PEX5L: variants seen among roughly 807,000 people sequenced by gnomAD.
PEX5L encodes the protein PEX5-related protein.
A neutral mutation model predicts 84.0 loss-of-function variants in PEX5L; 30 were observed. That is an observed-to-expected ratio of 0.36 (90% confidence interval 0.27 to 0.48). The LOEUF (loss-of-function observed/expected upper bound fraction) is 0.48. PEX5L is among the 20% of genes least tolerant of loss of function. The pLI is 0.99. For synonymous variants in PEX5L, 270 were observed against 283.1 expected (o/e 0.95, Z 0.46); for missense variants, 533 against 754.6 (o/e 0.71, Z 3.44).
Position 179,964,258 on chromosome 3 carries a change from C to A in PEX5L, c.93+7336G>T, listed in dbSNP as rs575806379. Among the ~76,000 whole-genome samples, 286 of 152,170 alleles carry A rather than the reference C, an allele frequency of 1.9e-3. 1 individual carries two copies. Among genetic ancestry groups the A allele is most frequent in the South Asian group, 0.016 (75 of 4,824 alleles). On this transcript the variant is annotated intron_variant, in intron 2 of 14. Transcript: ENST00000467460. ...TTGTAAATGAGAACACGTGGTATTT[C>A]CTTTTCTGTTTCCTGGTTAGTTTGC...
chr3:179,804,742 T>C (rs896114166), intron 14 of PEX5L, among the ~76,000 whole-genome samples: 3 of 152,238 alleles, frequency 2.0e-5, no homozygotes, highest in Admixed American at 6.5e-5. Context: ...CCTTTTGAGC[T>C]CTTTCTCTAT....
At chr3:179,852,629 G>A (rs3774237) in intron 8 of PEX5L, among the ~76,000 whole-genome samples, 73,203 of 152,066 alleles carry the variant, frequency 0.48, 19,057 homozygotes, top group East Asian at 0.75. Context: ...AGTCTCAACT[G>A]ATTTGCCAGA....
intron 14 of PEX5L, among the ~76,000 whole-genome samples, chr3:179,805,630 C>T (rs1423780620): frequency 2.0e-5 from 3 of 152,162 alleles, no homozygotes; most frequent in South Asian, 2.1e-4. Flanking sequence ...GCCAATTGTA[C>T]AGTAACATCC....
At chr3:179,902,666 T>C (rs1761795564) in intron 2 of PEX5L, 1 of 456,530 alleles carries the variant, frequency 2.2e-6, no homozygotes, top group Admixed American at 2.4e-5. Flanking sequence ...ACTAAGACTT[T>C]CTTGAGATCC....
intron 5 of PEX5L, 67 bp downstream of exon 5, chr3:179,879,862 A>G: frequency 8.8e-7 from 1 of 1,142,134 alleles, no homozygotes; most frequent in Non-Finnish European, 1.2e-6. Context: ...CATTGGTGGA[A>G]ATTTCCTCTT....
At chr3:180,007,604 C>T (rs1789033720) in intron 1 of PEX5L, among the ~76,000 whole-genome samples, 2 of 152,212 alleles carry the variant, frequency 1.3e-5, no homozygotes, top group African/African-American at 4.8e-5. Flanking sequence ...GAGGGCCCTG[C>T]CCCTGCAGCA....
chr3:179,821,411 G>T (rs1728493593), intron 8 of PEX5L, among the ~76,000 whole-genome samples: 1 of 152,144 alleles, frequency 6.6e-6, no homozygotes, highest in African/African-American at 2.4e-5. Context: ...CTTCTGGTCT[G>T]CCTGGGCTGT....
chr3:179,992,295 A>G (rs1199060872), intron 1 of PEX5L, among the ~76,000 whole-genome samples: 1 of 152,228 alleles, frequency 6.6e-6, no homozygotes, highest in Non-Finnish European at 1.5e-5. Context: ...ATTTAGTCTG[A>G]CTTTCATTCC....
intron 2 of PEX5L, among the ~76,000 whole-genome samples, chr3:179,967,839 T>G (rs1783739895): frequency 6.6e-6 from 1 of 152,210 alleles, no homozygotes; most frequent in African/African-American, 2.4e-5. Flanking sequence ...AAATGCAAAT[T>G]GTCAGGCTGC....
At chr3:179,887,139 T>C (rs905165949) in intron 4 of PEX5L, among the ~76,000 whole-genome samples, 2 of 152,210 alleles carry the variant, frequency 1.3e-5, no homozygotes, top group African/African-American at 4.8e-5. Context: ...TGATAATGTT[T>C]AATTCCAGGA....
At chr3:179,840,254 T>A (rs1286395271) in intron 8 of PEX5L, among the ~76,000 whole-genome samples, 1 of 143,628 alleles carries the variant, frequency 7.0e-6, no homozygotes, top group Admixed American at 7.3e-5. Context: ...AGTGGCATGA[T>A]CTTGGTGCAC....
At chr3:179,815,823 C>A (rs1203232257) in intron 10 of PEX5L, 38 bp downstream of exon 10, 2 of 1,609,728 alleles carry the variant, frequency 1.2e-6, no homozygotes, top group Non-Finnish European at 1.7e-6. Context: ...TTAGCACATG[C>A]CCTTTCTGAG....
At chr3:180,016,098 ACACCAC>A (rs56152525) in intron 1 of PEX5L, among the ~76,000 whole-genome samples, 1 of 151,250 alleles carries the variant, frequency 6.6e-6, no homozygotes, top group African/African-American at 2.4e-5. Flanking sequence ...AAGTGCTGTA[ACACCAC>A]CACCACCACC....
Position 179,800,548 on chromosome 3 carries a change from T to G in PEX5L, c.*1280A>C, listed in dbSNP as rs1317850024. The G allele has an allele frequency of 1.3e-5, 2 of 152,160 alleles. No homozygotes were observed. The highest frequency in any genetic ancestry group is 2.9e-5 in the Non-Finnish European group (2 of 68,016). The allele number at this position is 152,160 out of a possible 1,614,324, so 9.4% of individuals were successfully genotyped here. On this transcript the variant is annotated 3_prime_UTR_variant, in exon 15 of 15. Transcript: ENST00000467460. The stretch of plus-strand genomic sequence containing the variant: ...ATACAAAACACTGTGGAGAACTAAG[T>G]GGAATTCAACCAATTAAAACACCAC...
chr3:179,925,580 ATTTAC>A (rs747941226), intron 2 of PEX5L, among the ~76,000 whole-genome samples: 4 of 152,210 alleles, frequency 2.6e-5, no homozygotes, highest in Non-Finnish European at 4.4e-5. Flanking sequence ...ATAAGATTAT[ATTTAC>A]TTTATTGATG....
chr3:179,939,606 A>G (rs1031252894), intron 2 of PEX5L, among the ~76,000 whole-genome samples: 1 of 152,222 alleles, frequency 6.6e-6, no homozygotes, highest in Non-Finnish European at 1.5e-5. Context: ...AGAACTTAGA[A>G]CATATAGCCC....
chr3:179,877,967 A>G (rs1201134543), intron 5 of PEX5L, among the ~76,000 whole-genome samples: 2 of 151,354 alleles, frequency 1.3e-5, no homozygotes, highest in African/African-American at 2.4e-5. Context: ...TTTACAATCT[A>G]TCCCTGGAAG....
intron 7 of PEX5L, 91 bp downstream of exon 7, chr3:179,874,234 CTT>C (rs1247420542): frequency 2.8e-6 from 2 of 715,230 alleles, no homozygotes; most frequent in East Asian, 5.9e-5. Context: ...ACAAAAAATA[CTT>C]CAAACTTTTT....
At chr3:179,951,800 T>C (rs1779160551) in intron 2 of PEX5L, among the ~76,000 whole-genome samples, 1 of 152,184 alleles carries the variant, frequency 6.6e-6, no homozygotes, top group Non-Finnish European at 1.5e-5. Context: ...AGAGGAGCAA[T>C]GTTCATGCCA....
Sources: allele counts gnomAD v4.1 joint callset (sites outside exome capture counted in the v4.1 genomes callset), GRCh38; gene constraint gnomAD v4.1.1; transcripts MANE v1.5; gene names NCBI Gene and HGNC (gene_info 2026-07-23, HGNC 2026-07-21).